Variants in SLC4A7 observed in about 807,000 individuals in gnomAD.
SLC4A7 encodes solute carrier family 4 member 7, also known as sodium bicarbonate cotransporter 3.
Under a neutral mutation model 137.6 loss-of-function variants are expected in SLC4A7, and 51 were observed. The observed-to-expected ratio is 0.37, with a 90% CI of 0.30 to 0.47. The LOEUF is 0.47. Ranked by LOEUF, SLC4A7 falls within the 20% of genes least tolerant of loss-of-function variation. The pLI is 1.00. For synonymous variants in SLC4A7, 542 were observed against 518.6 expected (o/e 1.05, Z -0.61); for missense variants, 1,247 against 1,525.4 (o/e 0.82, Z 3.04).
chr3:27,393,222 AAAAC>A (rs1486713645), intron 20 of SLC4A7, among the ~76,000 whole-genome samples: 10 of 152,196 alleles, frequency 6.6e-5, no homozygotes, highest in African/African-American at 2.4e-4. Context: ...AGTTTTCACA[AAAAC>A]AAAAGTTAAA....
intron 1 of SLC4A7, among the ~76,000 whole-genome samples, chr3:27,469,321 AC>A (rs1428187925): frequency 6.6e-6 from 1 of 152,030 alleles, no homozygotes; most frequent in Non-Finnish European, 1.5e-5. Flanking sequence ...TTCCAACACT[AC>A]CTGGAGATAG....
In SLC4A7 at chr3:27,484,279, C is replaced by G. The variant is rs2059849148; in HGVS notation, c.-153G>C. On this transcript the variant is annotated 5_prime_UTR_variant, in exon 1 of 26. Transcript: ENST00000454389. ...CGAGGTGTGCGCGCGTGGGGAGAGCCGGGCGCCGGGCGCGGGAGACGCGGG... is the reference window on the plus strand; with the variant it reads ...CGAGGTGTGCGCGCGTGGGGAGAGCGGGGCGCCGGGCGCGGGAGACGCGGG... 2.0e-6 allele frequency: 1 copy of G among 492,788 alleles called. No individual in the cohort carries two copies. Among genetic ancestry groups the G allele is most frequent in the Admixed American group, 4.7e-5 (1 of 21,398 alleles). The allele number at this position is 492,788 out of a possible 1,614,324, so 30.5% of individuals were successfully genotyped here.
At chr3:27,482,430 A>G (rs978381462) in intron 1 of SLC4A7, among the ~76,000 whole-genome samples, 1 of 152,240 alleles carries the variant, frequency 6.6e-6, no homozygotes, top group African/African-American at 2.4e-5. Flanking sequence ...CATACTTGAA[A>G]TACACAGAGA....
intron 7 of SLC4A7, among the ~76,000 whole-genome samples, chr3:27,427,586 T>C (rs1359323432): frequency 6.6e-6 from 1 of 152,120 alleles, no homozygotes; most frequent in African/African-American, 2.4e-5. Context: ...GACACAAAAA[T>C]CCATGGTGTT....
At chr3:27,386,217 A>G (rs890086142) in intron 22 of SLC4A7, among the ~76,000 whole-genome samples, 194 bp from the exon 23 acceptor site, 1 of 142,132 alleles carries the variant, frequency 7.0e-6, no homozygotes, top group East Asian at 2.0e-4. Context: ...AAAAAAAAAA[A>G]CTATAAAGAG....
chr3:27,435,569 G>A (rs912148492), intron 5 of SLC4A7, among the ~76,000 whole-genome samples: 3 of 152,156 alleles, frequency 2.0e-5, no homozygotes, highest in Admixed American at 6.5e-5. Flanking sequence ...GCTAGGCACC[G>A]TGGCTCACAC....
At chr3:27,384,777 A>C (rs1376358804) in intron 23 of SLC4A7, among the ~76,000 whole-genome samples, 2 of 152,136 alleles carry the variant, frequency 1.3e-5, no homozygotes. Context: ...AGCCTGGCCA[A>C]CATGGTGGAA....
intron 3 of SLC4A7, among the ~76,000 whole-genome samples, chr3:27,438,042 T>C (rs756233805): frequency 1.8e-3 from 268 of 149,346 alleles, no homozygotes; most frequent in African/African-American, 5.8e-3. Flanking sequence ...ACTAAAAATA[T>C]AAAAATTAGC....
At position 27,416,612 on chromosome 3, in the gene SLC4A7, T is replaced by C. The variant is rs934051107; in HGVS notation, c.1659+1874A>G. On this transcript the variant is annotated intron_variant, in intron 11 of 25. Transcript: ENST00000454389. ...CAAATTATCAAAAAACTTTCCAATG[T>C]TTATTGAAAAACTCCACATAATTAG... Among the ~76,000 whole-genome samples the C allele has an allele frequency of 2.6e-5, 4 of 152,178 alleles. No individual in the cohort carries two copies. The South Asian group carries it at 8.3e-4, about 32-fold the overall frequency.
intron 20 of SLC4A7, among the ~76,000 whole-genome samples, chr3:27,393,523 C>T (rs1559647329): frequency 6.6e-6 from 1 of 152,086 alleles, no homozygotes; most frequent in African/African-American, 2.4e-5. Context: ...CCTGCATATA[C>T]AATTTTTTTA....
intron 1 of SLC4A7, among the ~76,000 whole-genome samples, chr3:27,467,803 T>G (rs1442426074): frequency 2.6e-5 from 4 of 152,150 alleles, no homozygotes; most frequent in African/African-American, 4.8e-5. Context: ...TCTCATGCTG[T>G]GATTATGGTT....
chr3:27,440,599 G>A (rs1294558014), intron 3 of SLC4A7, among the ~76,000 whole-genome samples: 3 of 151,688 alleles, frequency 2.0e-5, no homozygotes, highest in East Asian at 1.9e-4. Context: ...ATGGTGGTAC[G>A]CACCTGTAAT....
intron 10 of SLC4A7, among the ~76,000 whole-genome samples, chr3:27,420,248 C>G (rs2054825308): frequency 1.3e-5 from 2 of 151,926 alleles, no homozygotes; most frequent in South Asian, 4.1e-4. Flanking sequence ...CCTTGGGACA[C>G]ACAGCACTGA....
At chr3:27,428,033 C>A (rs933513236) in intron 7 of SLC4A7, among the ~76,000 whole-genome samples, 3 of 152,050 alleles carry the variant, frequency 2.0e-5, no homozygotes, top group Non-Finnish European at 2.9e-5. Flanking sequence ...TGTTACTGAT[C>A]AATGTAATAT....
At chr3:27,442,935 T>G (rs73151830) in intron 3 of SLC4A7, among the ~76,000 whole-genome samples, 8,293 of 151,700 alleles carry the variant, frequency 0.055, 756 homozygotes, top group African/African-American at 0.19. Context: ...ATCCTCCCAG[T>G]GCTTGTAGAT....
chr3:27,385,055 T>A (rs903253936), intron 23 of SLC4A7, among the ~76,000 whole-genome samples: 3 of 152,208 alleles, frequency 2.0e-5, no homozygotes, highest in Admixed American at 6.5e-5. Flanking sequence ...CTAATTAGTA[T>A]CTAGTTAAAG....
intron 1 of SLC4A7, among the ~76,000 whole-genome samples, chr3:27,464,791 A>C (rs1349834779): frequency 6.6e-6 from 1 of 152,128 alleles, no homozygotes; most frequent in Non-Finnish European, 1.5e-5. Context: ...ATTTACGAGC[A>C]CTGGGAGGAT....
chr3:27,437,313 C>A (rs977955539), intron 4 of SLC4A7, 75 bp downstream of exon 4: 182 of 940,160 alleles, frequency 1.9e-4, no homozygotes, highest in African/African-American at 3.4e-5. Context: ...ATCGCACCAT[C>A]GCACTCCAGC....
chr3:27,422,778 T>TA, intron 8 of SLC4A7: 1 of 455,774 alleles, frequency 2.2e-6, no homozygotes, highest in Non-Finnish European at 4.4e-6. Flanking sequence ...AACCAGCACT[T>TA]ACAGCGGGCC....
Sources: allele counts gnomAD v4.1 joint callset (sites outside exome capture counted in the v4.1 genomes callset), GRCh38; gene constraint gnomAD v4.1.1; transcripts MANE v1.5; gene names NCBI Gene and HGNC (gene_info 2026-07-23, HGNC 2026-07-21).